The following BHLHE41 variants were observed in gnomAD, a reference collection of about 807,000 sequenced individuals.
The protein encoded by BHLHE41 is basic helix-loop-helix family member e41.
A neutral mutation model predicts 24.0 loss-of-function variants in BHLHE41; 14 were observed. The observed-to-expected ratio is 0.58, with a 90% CI of 0.39 to 0.91. BHLHE41 has a LOEUF of 0.91. BHLHE41 is among the 40% of genes least tolerant of loss of function. BHLHE41 has a pLI of 0.00. For synonymous variants in BHLHE41, 394 were observed against 315.5 expected (o/e 1.25, Z -2.64); for missense variants, 674 against 655.4 (o/e 1.03, Z -0.31).
intron 2 of BHLHE41, 119 bp downstream of exon 2, chr12:26,124,400 T>C: frequency 8.6e-7 from 1 of 1,160,990 alleles, no homozygotes; most frequent in Non-Finnish European, 1.3e-6. Context: ...CACTTAAAAT[T>C]CACAGTTGGG....
At position 26,121,750 on chromosome 12, in the gene BHLHE41, A is replaced by C; in HGVS notation, c.*316T>G. The C allele has an allele frequency of 2.5e-6, 1 of 403,822 alleles. No individual in the cohort carries two copies. Among genetic ancestry groups the C allele is most frequent in the Non-Finnish European group, 4.3e-6 (1 of 230,794 alleles). 25.0% of individuals were successfully genotyped at this position (403,822 alleles called of 1,614,324 possible). A position where few individuals can be genotyped will look rare whatever the true frequency, so the allele number is the denominator to read the frequency against. ...TTTAAGAGATAATGGAACATGGCCT[A>C]AAAGGGGGCAAAATTTATTTGGGGG... On this transcript the variant is annotated 3_prime_UTR_variant, in exon 5 of 5. Transcript: ENST00000242728.
rs1423806599 is a variant in BHLHE41 at position 26,122,251 on chromosome 12, G to T, written c.1264C>A (p.Pro422Thr). The T allele has an allele frequency of 1.6e-6, 2 of 1,272,026 alleles. No homozygotes were observed. Among genetic ancestry groups the T allele is most frequent in the East Asian group, 3.3e-5 (1 of 30,614 alleles). The allele number at this position is 1,272,026 out of a possible 1,614,324, so 78.8% of individuals were successfully genotyped here. A position where few individuals can be genotyped will look rare whatever the true frequency, so the allele number is the denominator to read the frequency against. The part of the protein sequence containing the change: ...FPCLSSVLSP[P>T]PEKAGAAAAT... The stretch of plus-strand genomic sequence containing the variant: ...GCGGCGGCGCCCGCCTTCTCGGGAG[G>T]GGGCGACAACACCGAGGACAGGCAG... Residue 422 changes from proline to threonine, a missense_variant, in exon 5 of 5, where the codon CCT becomes ACT. Physicochemically the swap from Pro to Thr is conservative, Grantham distance 38. This residue lies in a region of BHLHE41 where 602 missense variants were observed against 570.8 expected (regional missense o/e 1.05). Coordinates refer to ENST00000242728, the MANE Select transcript of BHLHE41 (RefSeq NM_030762.3).
chr12:26,121,928 T>C lies in BHLHE41; in HGVS notation c.*138A>G. 6.5e-7 allele frequency: 1 copy of C among 1,533,960 alleles called. No individual in the cohort carries two copies. ...TAACACCTGTTTTGTTGTTCTTGTT[T>C]ATGCCTGTCGTGCATCTATTACACT... On this transcript the variant is annotated 3_prime_UTR_variant, in exon 5 of 5. Coordinates refer to ENST00000242728, the MANE Select transcript of BHLHE41 (RefSeq NM_030762.3).
chr12:26,124,706 C>A lies in BHLHE41; in HGVS notation c.62+12G>T, dbSNP rs1311427692. The A allele has an allele frequency of 9.3e-6, 15 of 1,613,556 alleles. No individual in the cohort carries two copies. The highest frequency in any genetic ancestry group is 1.3e-5 in the Non-Finnish European group (15 of 1,179,418). On this transcript the variant is annotated intron_variant, in intron 1 of 4. Coordinates refer to ENST00000242728, the MANE Select transcript of BHLHE41 (RefSeq NM_030762.3). The stretch of plus-strand genomic sequence containing the variant: ...GCCTAGACAGATATTCGCAAGGGTG[C>A]GTGCACCTTACCCTATAAAATCTCT...
At chr12:26,123,191 G>T (rs1288445879) in intron 4 of BHLHE41, 23 bp from the exon 5 acceptor site, 2 of 1,563,790 alleles carry the variant, frequency 1.3e-6, no homozygotes, top group Non-Finnish European at 1.7e-6. Flanking sequence ...AGGGATGGGG[G>T]TGGGGGACGG....
intron 4 of BHLHE41, 70 bp downstream of exon 4, chr12:26,123,560 G>C (rs1361796317): frequency 9.3e-7 from 1 of 1,069,600 alleles, no homozygotes; most frequent in Non-Finnish European, 1.5e-6. Flanking sequence ...GGGTGAGGGA[G>C]TCCTGACACT....
rs573446676 is a variant in BHLHE41 at position 26,122,155 on chromosome 12, G to A, written c.1360C>T (p.His454Tyr). The A allele has an allele frequency of 9.5e-5, 147 of 1,542,094 alleles. 3 individuals carry two copies. The South Asian group carries it at 1.7e-3, about 18-fold the overall frequency. The change falls in exon 5 of 5, where the codon CAC becomes TAC. Residue 454 changes from histidine (H) to tyrosine (Y), a missense_variant. By Grantham distance (83) the His-to-Tyr change is moderately conservative (BLOSUM62 2). This residue lies in a region of BHLHE41 where 602 missense variants were observed against 570.8 expected (regional missense o/e 1.05). Coordinates refer to ENST00000242728, the MANE Select transcript of BHLHE41 (RefSeq NM_030762.3). ...TCGCGGGGCCCGGCGAAGGGCAGGT[G>A]GGTGCGGCCGTGCGGGTGCTGGGGG... Reference protein sequence around the residue: ...PHPQHPHGRTHLPFAGPREPG... With the variant: ...PHPQHPHGRTYLPFAGPREPG...
rs779148522 is a variant in BHLHE41, at chr12:26,122,833, C to A, written c.682G>T (p.Ala228Ser). 3 of 1,582,258 alleles carry A rather than the reference C, an allele frequency of 1.9e-6. No individual in the cohort carries two copies. Among genetic ancestry groups the A allele is most frequent in the Non-Finnish European group, 2.6e-6 (3 of 1,167,748 alleles). Residue 228 changes from alanine to serine, a missense_variant, in exon 5 of 5, where the codon GCC (alanine) becomes TCC (serine). Ala to Ser is a moderately conservative substitution (Grantham distance 99, BLOSUM62 1). Transcript: ENST00000242728. Reference sequence around the variant, plus strand: ...GTGTCGTTCTCGGCGGCGAGCTCGGCGCTGGGCTGAGTCCGCTGGATGACG... The same window carrying A: ...GTGTCGTTCTCGGCGGCGAGCTCGGAGCTGGGCTGAGTCCGCTGGATGACG... ...VPVIQRTQPS[A>S]ELAAENDTDT...
At chr12:26,124,308 A>T (rs1944343166) in intron 2 of BHLHE41, 129 bp from the exon 3 acceptor site, 1 of 722,880 alleles carries the variant, frequency 1.4e-6, no homozygotes, top group Non-Finnish European at 2.4e-6. Context: ...CACCCAAGAA[A>T]CCTCTTTCCT....
At position 26,122,241 on chromosome 12, in the gene BHLHE41, T is replaced by G. The variant is rs2137384923; in HGVS notation, c.1274A>C (p.Lys425Thr). The G allele has an allele frequency of 7.8e-7, 1 of 1,276,858 alleles. No individual in the cohort carries two copies. The allele number at this position is 1,276,858 out of a possible 1,614,324, so 79.1% of individuals were successfully genotyped here. ...LSSVLSPPPE[K>T]AGAAAATLLP... is the part of the protein sequence containing the mutation. ...GAGGGTCGCGGCGGCGGCGCCCGCC[T>G]TCTCGGGAGGGGGCGACAACACCGA... The change falls in exon 5 of 5, where the codon AAG becomes ACG. Residue 425 changes from lysine (K) to threonine (T), a missense_variant. This residue lies in a region of BHLHE41 where 602 missense variants were observed against 570.8 expected (regional missense o/e 1.05). Coordinates refer to ENST00000242728, the MANE Select transcript of BHLHE41 (RefSeq NM_030762.3).
Position 26,123,699 on chromosome 12 carries a change from A to C in BHLHE41, c.277T>G (p.Leu93Val). 1 of 1,614,140 alleles carries C rather than the reference A, an allele frequency of 6.2e-7. No individual in the cohort carries two copies. Among genetic ancestry groups the C allele is most frequent in the Non-Finnish European group, 8.5e-7 (1 of 1,179,972 alleles). The change falls in exon 4 of 5, where the codon TTG (leucine) becomes GTG (valine). Residue 93 changes from leucine to valine, a missense_variant. Transcript: ENST00000242728. ...LEKAVVLELTLKHLKALTALT... is the reference protein window; with the variant it reads ...LEKAVVLELTVKHLKALTALT... ...GCGGTTAAAGCTTTTAAGTGTTTCA[A>C]AGTTAATTCCAAGACTACAGCTTTC...
At position 26,122,412 on chromosome 12, in the gene BHLHE41, TC is replaced by T; in HGVS notation, c.1102del (p.Asp368ThrfsTer135). ...CAGATACTTCTCCAGGCCGCTCTTG[TC>T]CAGGAAGGGCTGCACGTAGGCGGCA... Reference protein sequence around the residue: ...AAAAYVQPFLDKSGLEKYLYP... With the variant: ...AAAAYVQPFLXKSGLEKYLYP... On this transcript the variant is annotated frameshift_variant, in exon 5 of 5. Transcript: ENST00000242728. LOFTEE classifies it high-confidence loss of function. 2.3e-6 allele frequency: 3 copies of T among 1,316,470 alleles called. No homozygotes were observed. The highest frequency in any genetic ancestry group is 2.0e-6 in the Non-Finnish European group (2 of 1,023,510). The allele number at this position is 1,316,470 out of a possible 1,614,324, so 81.5% of individuals were successfully genotyped here.
In BHLHE41 at chr12:26,121,833, G is replaced by A. The variant is rs1384184699; in HGVS notation, c.*233C>T. The A allele has an allele frequency of 6.2e-6, 6 of 964,966 alleles. No homozygotes were observed. The highest frequency in any genetic ancestry group is 1.7e-5 in the African/African-American group (1 of 59,664). The allele number at this position is 964,966 out of a possible 1,614,324, so 59.8% of individuals were successfully genotyped here. ...GATCTTTTACAGCTGGTGGGGGGAAGAAAGGGATGTTAGTGTGTGGAGGGT... is the reference window on the plus strand; with the variant it reads ...GATCTTTTACAGCTGGTGGGGGGAAAAAAGGGATGTTAGTGTGTGGAGGGT... On this transcript the variant is annotated 3_prime_UTR_variant, in exon 5 of 5. Coordinates refer to ENST00000242728, the MANE Select transcript of BHLHE41 (RefSeq NM_030762.3).
chr12:26,123,478 C>T (rs996405668), intron 4 of BHLHE41, 152 bp downstream of exon 4: 2 of 713,830 alleles, frequency 2.8e-6, no homozygotes, highest in African/African-American at 1.8e-5. Context: ...GGGCTCGTTC[C>T]AATGAAGGGA....
chr12:26,122,168 C>T lies in BHLHE41; in HGVS notation c.1347G>A (p.Pro449=). The T allele has an allele frequency of 6.5e-7, 1 of 1,532,060 alleles. No individual in the cohort carries two copies. The highest frequency in any genetic ancestry group is 8.8e-7 in the Non-Finnish European group (1 of 1,138,298). 94.9% of individuals were successfully genotyped at this position (1,532,060 alleles called of 1,614,324 possible). Residue 449 remains proline (P), a synonymous_variant, in exon 5 of 5, where the codon CCG becomes CCA. Coordinates refer to ENST00000242728, the MANE Select transcript of BHLHE41 (RefSeq NM_030762.3). ...APLGAPHPQH[P]HGRTHLPFAG... is the part of the protein sequence containing the mutation. ...CGAAGGGCAGGTGGGTGCGGCCGTG[C>T]GGGTGCTGGGGGTGCGGCGCCCCAA...
rs926557816 is a variant in BHLHE41, at chr12:26,122,291, G to GGCGGCGGCA, written c.1215_1223dup (p.Ala409_Ala411dup). 4 of 1,194,494 alleles carry GGCGGCGGCA rather than the reference G, an allele frequency of 3.3e-6. No homozygotes were observed. Among genetic ancestry groups the GGCGGCGGCA allele is most frequent in the Non-Finnish European group, 4.1e-6 (4 of 964,728 alleles). The allele number at this position is 1,194,494 out of a possible 1,614,324, so 74.0% of individuals were successfully genotyped here. The stretch of plus-strand genomic sequence containing the variant: ...AGGACAGGCAGGGGAACGCGGCGGC[G>GGCGGCGGCA]GCGGCGGCAGCGGCGGCGGCGGCTG... On this transcript the variant is annotated inframe_insertion, in exon 5 of 5. Transcript: ENST00000242728.
chr12:26,121,422 G>A lies in BHLHE41; in HGVS notation c.*644C>T, dbSNP rs1310226080. 6.5e-6 allele frequency: 1 copy of A among 152,788 alleles called. No homozygotes were observed. The highest frequency in any genetic ancestry group is 2.4e-5 in the African/African-American group (1 of 41,434). The allele number at this position is 152,788 out of a possible 1,614,324, so 9.5% of individuals were successfully genotyped here. A position where few individuals can be genotyped will look rare whatever the true frequency, so the allele number is the denominator to read the frequency against. ...AAGAGATACCATTTAAACCACTTCA[G>A]AATAGGTTGCAACGTGAGAAACTGC... On this transcript the variant is annotated 3_prime_UTR_variant, in exon 5 of 5. Coordinates refer to ENST00000242728, the MANE Select transcript of BHLHE41 (RefSeq NM_030762.3).
At chr12:26,124,260 C>T in intron 2 of BHLHE41, 81 bp from the exon 3 acceptor site, 1 of 562,114 alleles carries the variant, frequency 1.8e-6, no homozygotes, top group East Asian at 5.5e-5. Flanking sequence ...TCTGCCCCCC[C>T]CGCCCCCCCA....
chr12:26,123,928 C>T, intron 3 of BHLHE41, 144 bp downstream of exon 3: 1 of 748,970 alleles, frequency 1.3e-6, no homozygotes. Context: ...GCACCTACTC[C>T]AGTTTGCGGG....
Sources: gnomAD v4.1 joint callset for allele counts on GRCh38, gnomAD v4.1.1 for gene constraint, gnomAD v4.1.1 regional missense constraint, MANE v1.5 for transcripts, NCBI Gene and HGNC (gene_info 2026-07-23, HGNC 2026-07-21) for gene names.